The following DUSP6 variants were observed in gnomAD, a reference collection of about 807,000 sequenced individuals.
DUSP6 encodes the protein dual specificity phosphatase 6.
Under a neutral mutation model 28.0 loss-of-function variants are expected in DUSP6, and 6 were observed. That is an observed-to-expected ratio of 0.21 (90% CI 0.12 to 0.42). The LOEUF (loss-of-function observed/expected upper bound fraction) is 0.42, where lower values mean the gene tolerates loss of function less well. Ranked by LOEUF, DUSP6 falls within the 10% of genes least tolerant of loss-of-function variation. The pLI is 1.00. For missense variants in DUSP6, 451 were observed against 498.1 expected (o/e 0.91, Z 0.90); for synonymous variants, 252 against 217.5 (o/e 1.16, Z -1.40).
chr12:89,349,249 G>A lies in DUSP6; in HGVS notation c.*5C>T. Reference sequence around the variant, plus strand: ...ACATTCCAGCAAGGAGGGGTGTGGGGTCTTTCACGTAGATTGCAGAGAGTC... The same window carrying A: ...ACATTCCAGCAAGGAGGGGTGTGGGATCTTTCACGTAGATTGCAGAGAGTC... On this transcript the variant is annotated 3_prime_UTR_variant, in exon 3 of 3. Transcript: ENST00000279488. 6.2e-7 allele frequency: 1 copy of A among 1,603,290 alleles called. No homozygotes were observed. Among genetic ancestry groups the A allele is most frequent in the South Asian group, 1.1e-5 (1 of 90,592 alleles).
rs139309007 is a variant in DUSP6, at chr12:89,348,537, T to C, written c.*717A>G. The C allele has an allele frequency of 4.6e-5, 7 of 152,496 alleles. No individual in the cohort carries two copies. The highest frequency in any genetic ancestry group is 1.7e-4 in the African/African-American group (7 of 41,584). 9.4% of individuals were successfully genotyped at this position (152,496 alleles called of 1,614,324 possible). Reference sequence around the variant, plus strand: ...CGCCATAACAAGGTCTTAGTGATAATAGTGTCCGTAAAGATGTCATCAGAA... The same window carrying C: ...CGCCATAACAAGGTCTTAGTGATAACAGTGTCCGTAAAGATGTCATCAGAA... On this transcript the variant is annotated 3_prime_UTR_variant, in exon 3 of 3. Coordinates refer to ENST00000279488, the MANE Select transcript of DUSP6 (RefSeq NM_001946.4).
chr12:89,350,520 T>G, intron 2 of DUSP6, 68 bp downstream of exon 2: 1 of 1,481,902 alleles, frequency 6.7e-7, no homozygotes, highest in Admixed American at 1.7e-5. Flanking sequence ...GATTAACAGC[T>G]TAAACTCTAT....
Position 89,350,568 on chromosome 12 carries a change from C to A in DUSP6, c.838+20G>T, listed in dbSNP as rs1262034163. The A allele has an allele frequency of 6.3e-7, 1 of 1,598,322 alleles. No individual in the cohort carries two copies. Among genetic ancestry groups the A allele is most frequent in the East Asian group, 2.2e-5 (1 of 44,600 alleles). ...ATTTTGCATTTAAATGTCAGAGCGACGACTATTAATTAGTCTCACCTATGA... is the reference window on the plus strand; with the variant it reads ...ATTTTGCATTTAAATGTCAGAGCGAAGACTATTAATTAGTCTCACCTATGA... On this transcript the variant is annotated intron_variant, in intron 2 of 2. Coordinates refer to ENST00000279488, the MANE Select transcript of DUSP6 (RefSeq NM_001946.4).
At position 89,351,373 on chromosome 12, in the gene DUSP6, G is replaced by A. The variant is rs568307614; in HGVS notation, c.400+267C>T. ...GATAGAAAACAGGGTGATGGTGGAG[G>A]ATGTTCTGGCTAAGAAGGCGCAGAA... On this transcript the variant is annotated intron_variant, in intron 1 of 2. Coordinates refer to ENST00000279488, the MANE Select transcript of DUSP6 (RefSeq NM_001946.4). 495 of 592,358 alleles carry A rather than the reference G, an allele frequency of 8.4e-4. 5 individuals are homozygous for A. Among genetic ancestry groups the A allele is most frequent in the South Asian group, 6.3e-3 (275 of 43,936 alleles). The allele number at this position is 592,358 out of a possible 1,614,324, so 36.7% of individuals were successfully genotyped here. A position where few individuals can be genotyped will look rare whatever the true frequency, so the allele number is the denominator to read the frequency against.
In DUSP6 at chr12:89,352,180, G is replaced by A. The variant is rs935662574; in HGVS notation, c.-141C>T. 5.3e-5 allele frequency: 70 copies of A among 1,317,096 alleles called. No homozygotes were observed. Among genetic ancestry groups the A allele is most frequent in the Non-Finnish European group, 6.7e-5 (65 of 969,106 alleles). 81.6% of individuals were successfully genotyped at this position (1,317,096 alleles called of 1,614,324 possible). On this transcript the variant is annotated 5_prime_UTR_variant, in exon 1 of 3. Transcript: ENST00000279488. ...CGCCTTACCCAAGCCGAGGCTAGCG[G>A]TTGGGGCAGACGAGACAGAAGTAAA... is the stretch of plus-strand genomic sequence containing the variant.
chr12:89,349,610 C>T, intron 2 of DUSP6, 49 bp from the exon 3 acceptor site: 1 of 1,434,332 alleles, frequency 7.0e-7, no homozygotes. Context: ...GAAAACCACC[C>T]TTTGTGAATG....
At position 89,352,377 on chromosome 12, in the gene DUSP6, C is replaced by T. The variant is rs1879237382; in HGVS notation, c.-338G>A. On this transcript the variant is annotated 5_prime_UTR_variant, in exon 1 of 3. Coordinates refer to ENST00000279488, the MANE Select transcript of DUSP6 (RefSeq NM_001946.4). ...AAAAAAGTCTAGCGGCTTCTAATCC[C>T]TCCCTCCAAGGCTGCACCTCAAATC... 2 of 326,834 alleles carry T rather than the reference C, an allele frequency of 6.1e-6. No homozygotes were observed. The highest frequency in any genetic ancestry group is 4.1e-5 in the South Asian group (1 of 24,270). The allele number at this position is 326,834 out of a possible 1,614,324, so 20.2% of individuals were successfully genotyped here.
chr12:89,351,823 C>T lies in DUSP6; in HGVS notation c.217G>A (p.Val73Met), dbSNP rs746895147. ...LRRLQKGNLP[V>M]RALFTRGEDR... The stretch of plus-strand genomic sequence containing the variant: ...TCGCCGCGCGTGAAGAGCGCGCGCA[C>T]CGGCAGGTTACCCTTCTGCAGGCGC... The change falls in exon 1 of 3, where the codon GTG becomes ATG. Residue 73 changes from valine to methionine, a missense_variant. Val to Met is a conservative substitution (Grantham distance 21, BLOSUM62 1). This residue lies in a region of DUSP6 where 347 missense variants were observed against 346.6 expected (regional missense o/e 1.00). Coordinates refer to ENST00000279488, the MANE Select transcript of DUSP6 (RefSeq NM_001946.4). 3 of 1,611,364 alleles carry T rather than the reference C, an allele frequency of 1.9e-6. No homozygotes were observed. The highest frequency in any genetic ancestry group is 4.5e-5 in the East Asian group (2 of 44,828).
chr12:89,347,800 AG>A lies in DUSP6; in HGVS notation c.*1453del, dbSNP rs376799306. On this transcript the variant is annotated 3_prime_UTR_variant, in exon 3 of 3. Transcript: ENST00000279488. ...ATGCTCTATAGGTTCATTTTTCTTC[AG>A]GGGCTTTAAAATCTTAAGCCGGAAC... 67 of 152,298 alleles carry A rather than the reference AG, an allele frequency of 4.4e-4. No homozygotes were observed. Among genetic ancestry groups the A allele is most frequent in the African/African-American group, 1.5e-3 (64 of 41,570 alleles). The allele number at this position is 152,298 out of a possible 1,614,324, so 9.4% of individuals were successfully genotyped here.
Position 89,352,189 on chromosome 12 carries a change from G to C in DUSP6, c.-150C>G. On this transcript the variant is annotated 5_prime_UTR_variant, in exon 1 of 3. Coordinates refer to ENST00000279488, the MANE Select transcript of DUSP6 (RefSeq NM_001946.4). ...CAAGCCGAGGCTAGCGGTTGGGGCAGACGAGACAGAAGTAAAGCCGGAGGT... is the reference window on the plus strand; with the variant it reads ...CAAGCCGAGGCTAGCGGTTGGGGCACACGAGACAGAAGTAAAGCCGGAGGT... 1 of 1,223,040 alleles carries C rather than the reference G, an allele frequency of 8.2e-7. No homozygotes were observed. The highest frequency in any genetic ancestry group is 1.1e-6 in the Non-Finnish European group (1 of 889,304). The allele number at this position is 1,223,040 out of a possible 1,614,324, so 75.8% of individuals were successfully genotyped here.
rs939001563 is a variant in DUSP6 at position 89,349,557 on chromosome 12, T to G, written c.843A>C (p.Glu281Asp). The change falls in exon 3 of 3, where the codon GAA becomes GAC. Residue 281 changes from glutamate (E) to aspartate (D), a missense_variant. Physicochemically the swap from Glu to Asp is conservative, Grantham distance 45 (BLOSUM62 2). Coordinates refer to ENST00000279488, the MANE Select transcript of DUSP6 (RefSeq NM_001946.4). ...FFPEAISFID[E>D]ARGKNCGVLV... ...AGACACCACAGTTCTTGCCCCGGGC[T>G]TCATCTGTGAACACAAAAAGAAAAG... 39 of 1,603,688 alleles carry G rather than the reference T, an allele frequency of 2.4e-5. No homozygotes were observed. The highest frequency in any genetic ancestry group is 3.2e-5 in the Non-Finnish European group (38 of 1,172,098).
rs1360877918 is a variant in DUSP6, at chr12:89,350,988, A to G, written c.438T>C (p.His146=). The change falls in exon 2 of 3, where the codon CAT becomes CAC. Residue 146 remains histidine (H), a synonymous_variant. Transcript: ENST00000279488. ...FSKFQAEFSL[H]CETNLDGSCS... is the part of the protein sequence containing the mutation. ...ACGAGCCGTCTAGATTGGTCTCGCA[A>G]TGCAGGGAGAACTCGGCTTGGAACT... 1 of 1,609,826 alleles carries G rather than the reference A, an allele frequency of 6.2e-7. No homozygotes were observed. The highest frequency in any genetic ancestry group is 2.2e-5 in the East Asian group (1 of 44,828).
chr12:89,350,304 TG>T lies in DUSP6; in HGVS notation c.838+283del, dbSNP rs1043377488. 4.6e-5 allele frequency among the ~76,000 whole-genome samples: 7 copies of T among 152,318 alleles called. No homozygotes were observed. In the South Asian group the frequency reaches 6.2e-4, roughly 14 times the overall value. On this transcript the variant is annotated intron_variant, in intron 2 of 2. Coordinates refer to ENST00000279488, the MANE Select transcript of DUSP6 (RefSeq NM_001946.4). The stretch of plus-strand genomic sequence containing the variant: ...TGACCCTTCCCCTGAGTCCAAAGAC[TG>T]GGGGGAAAAATCTGTTGTCCGATTA...
intron 1 of DUSP6, chr12:89,351,287 T>A (rs1879177250): frequency 6.8e-6 from 4 of 589,258 alleles, no homozygotes; most frequent in Non-Finnish European, 1.2e-5. Context: ...AGAGCTAAGA[T>A]GTGCCAATTT....
chr12:89,351,063 G>A (rs979415967), intron 1 of DUSP6, 38 bp from the exon 2 acceptor site: 2 of 1,533,286 alleles, frequency 1.3e-6, no homozygotes, highest in Non-Finnish European at 1.7e-6. Context: ...AACCTGAGAA[G>A]CCGTAGTAGT....
Position 89,350,758 on chromosome 12 carries a change from G to A in DUSP6, c.668C>T (p.Thr223Ile). 2.5e-6 allele frequency: 4 copies of A among 1,614,120 alleles called. No individual in the cohort carries two copies. Among genetic ancestry groups the A allele is most frequent in the Non-Finnish European group, 3.4e-6 (4 of 1,180,030 alleles). Residue 223 changes from threonine (T) to isoleucine (I), a missense_variant, in exon 2 of 3, where the codon ACC (threonine) becomes ATC (isoleucine). By Grantham distance (89) the Thr-to-Ile change is moderately conservative (BLOSUM62 -1). Transcript: ENST00000279488. Reference sequence around the variant, plus strand: ...GAATTCCTCCAACACGTCCAAGTTGGTGGAGTCTTTGGCACAGCCCAAGTA... The same window carrying A: ...GAATTCCTCCAACACGTCCAAGTTGATGGAGTCTTTGGCACAGCCCAAGTA... ...FLYLGCAKDSTNLDVLEEFGI... is the reference protein window; with the variant it reads ...FLYLGCAKDSINLDVLEEFGI...
At position 89,351,880 on chromosome 12, in the gene DUSP6, T is replaced by C. The variant is rs1879209537; in HGVS notation, c.160A>G (p.Ile54Val). The change falls in exon 1 of 3, where the codon ATC (isoleucine) becomes GTC (valine). Residue 54 changes from isoleucine (I) to valine (V), a missense_variant. Coordinates refer to ENST00000279488, the MANE Select transcript of DUSP6 (RefSeq NM_001946.4). ...ATGATGCCCGGGATGGCCACGTTGA[T>C]GGCCGACTCGATGTGCGACGACTCG... ...LYESSHIESA[I>V]NVAIPGIMLR... The C allele has an allele frequency of 1.2e-6, 2 of 1,612,526 alleles. No homozygotes were observed. The highest frequency in any genetic ancestry group is 1.7e-5 in the Admixed American group (1 of 59,992).
At chr12:89,349,649 T>TAAC (rs909203916) in intron 2 of DUSP6, 88 bp from the exon 3 acceptor site, 1 of 919,404 alleles carries the variant, frequency 1.1e-6, no homozygotes, top group Non-Finnish European at 1.6e-6. Flanking sequence ...CTTGAAAACA[T>TAAC]AATAATAATA....
chr12:89,350,355 C>T (rs1040013665), intron 2 of DUSP6, among the ~76,000 whole-genome samples: 2 of 152,142 alleles, frequency 1.3e-5, no homozygotes, highest in South Asian at 4.1e-4. Flanking sequence ...TGACTGAATT[C>T]AAAGATTCAA....
Sources: gnomAD v4.1 joint callset for allele counts (sites outside exome capture counted in the v4.1 genomes callset) on GRCh38, gnomAD v4.1.1 for gene constraint, gnomAD v4.1.1 regional missense constraint, MANE v1.5 for transcripts, NCBI Gene and HGNC (gene_info 2026-07-23, HGNC 2026-07-21) for gene names.